The following DNAJC8 variants were observed in gnomAD, a reference collection of about 807,000 sequenced individuals.
DNAJC8 encodes dnaJ homolog subfamily C member 8.
In DNAJC8, 24 loss-of-function variants were observed where a neutral mutation model predicts 43.2. The observed-to-expected ratio is 0.56, with a 90% CI of 0.40 to 0.78. The LOEUF (loss-of-function observed/expected upper bound fraction) is 0.78. DNAJC8 is among the 30% of genes least tolerant of loss of function. DNAJC8 has a pLI of 0.00. For synonymous variants in DNAJC8, 83 were observed against 98.0 expected (o/e 0.85, Z 0.90); for missense variants, 207 against 299.4 (o/e 0.69, Z 2.28).
chr1:28,213,629 A>G (rs908209079), intron 3 of DNAJC8, among the ~76,000 whole-genome samples: 2 of 152,204 alleles, frequency 1.3e-5, no homozygotes, highest in African/African-American at 4.8e-5. Context: ...ACATAAGACT[A>G]TAAAGAAGCT....
chr1:28,214,776 A>G (rs1179787124), intron 3 of DNAJC8, among the ~76,000 whole-genome samples, 164 bp downstream of exon 3: 1 of 152,116 alleles, frequency 6.6e-6, no homozygotes, highest in Non-Finnish European at 1.5e-5. Context: ...AAATTATTTA[A>G]GATTTTATAT....
At chr1:28,203,028 G>T (rs1646747500) in intron 8 of DNAJC8, among the ~76,000 whole-genome samples, 1 of 152,144 alleles carries the variant, frequency 6.6e-6, no homozygotes, top group African/African-American at 2.4e-5. Context: ...TCTTTCCACT[G>T]CACCTTTCTG....
chr1:28,220,190 AG>A (rs1300098659), intron 2 of DNAJC8, among the ~76,000 whole-genome samples: 1 of 152,244 alleles, frequency 6.6e-6, no homozygotes, highest in Non-Finnish European at 1.5e-5. Flanking sequence ...TATTTTTCCA[AG>A]AGTTATATCA....
At chr1:28,221,136 G>A (rs1172364939) in intron 2 of DNAJC8, among the ~76,000 whole-genome samples, 3 of 151,784 alleles carry the variant, frequency 2.0e-5, no homozygotes, top group Non-Finnish European at 2.9e-5. Context: ...TCAGGAGATC[G>A]AGACCATCCT....
chr1:28,219,746 C>T (rs1646886098), intron 2 of DNAJC8, among the ~76,000 whole-genome samples: 1 of 106,310 alleles, frequency 9.4e-6, no homozygotes, highest in African/African-American at 4.0e-5. Flanking sequence ...GGAGCAATCT[C>T]AGCTCACTTC....
At chr1:28,209,305 GAA>G (rs1164859253) in intron 5 of DNAJC8, among the ~76,000 whole-genome samples, 3 of 152,252 alleles carry the variant, frequency 2.0e-5, no homozygotes, top group South Asian at 2.1e-4. Flanking sequence ...CTCTTCATGT[GAA>G]AAGTCATCCA....
chr1:28,201,210 T>G lies in DNAJC8; in HGVS notation c.*38A>C. 6.2e-7 allele frequency: 1 copy of G among 1,610,688 alleles called. No homozygotes were observed. The highest frequency in any genetic ancestry group is 8.5e-7 in the Non-Finnish European group (1 of 1,179,440). ...GAGTCCTTCGAAGCAGGAAGGGAGA[T>G]AGCAGGGGAAAGGTTCTGTGCCTGT... On this transcript the variant is annotated 3_prime_UTR_variant, in exon 9 of 9. Transcript: ENST00000263697.
At chr1:28,224,033 C>T (rs1448118023) in intron 2 of DNAJC8, among the ~76,000 whole-genome samples, 1 of 152,124 alleles carries the variant, frequency 6.6e-6, no homozygotes, top group Non-Finnish European at 1.5e-5. Flanking sequence ...ATGATGAAGA[C>T]ATATGAAAGA....
chr1:28,205,345 T>C lies in DNAJC8; in HGVS notation c.476A>G (p.Lys159Arg), dbSNP rs1470593528. Residue 159 changes from lysine (K) to arginine (R), a missense_variant, in exon 7 of 9, where the codon AAA (lysine) becomes AGA (arginine). Coordinates refer to ENST00000263697, the MANE Select transcript of DNAJC8 (RefSeq NM_014280.3). ...IVEEDDPELF[K>R]QAVYKQTMKL... is the part of the protein sequence containing the mutation. ...CATTGTCTGTTTATATACAGCTTGTTTGAACTACAGGAAAATCAAGAACAA... is the reference window on the plus strand; with the variant it reads ...CATTGTCTGTTTATATACAGCTTGTCTGAACTACAGGAAAATCAAGAACAA... 2 of 1,605,630 alleles carry C rather than the reference T, an allele frequency of 1.2e-6. No individual in the cohort carries two copies. The highest frequency in any genetic ancestry group is 2.2e-5 in the East Asian group (1 of 44,836).
At chr1:28,232,720 T>C (rs563394856) in intron 1 of DNAJC8, among the ~76,000 whole-genome samples, 1 of 152,084 alleles carries the variant, frequency 6.6e-6, no homozygotes, top group East Asian at 1.9e-4. Context: ...TCGAACACCA[T>C]TCCCTCTTTC....
At chr1:28,224,663 T>C (rs188326268) in intron 2 of DNAJC8, among the ~76,000 whole-genome samples, 3 of 151,876 alleles carry the variant, frequency 2.0e-5, no homozygotes, top group African/African-American at 4.8e-5. Flanking sequence ...GGAGGGCGGA[T>C]CATGAGGTCA....
Position 28,201,120 on chromosome 1 carries a change from T to C in DNAJC8, c.*128A>G. The C allele has an allele frequency of 7.3e-7, 1 of 1,368,636 alleles. No homozygotes were observed. The highest frequency in any genetic ancestry group is 2.1e-5 in the Admixed American group (1 of 46,594). The allele number at this position is 1,368,636 out of a possible 1,614,324, so 84.8% of individuals were successfully genotyped here. On this transcript the variant is annotated 3_prime_UTR_variant, in exon 9 of 9. Coordinates refer to ENST00000263697, the MANE Select transcript of DNAJC8 (RefSeq NM_014280.3). ...TACTCTGATCGATATTAAATCGTATTGAAAACAAAATGGACTAAAAAGCAA... is the reference window on the plus strand; with the variant it reads ...TACTCTGATCGATATTAAATCGTATCGAAAACAAAATGGACTAAAAAGCAA...
chr1:28,207,552 T>C (rs1646778202), intron 6 of DNAJC8, among the ~76,000 whole-genome samples: 1 of 150,772 alleles, frequency 6.6e-6, no homozygotes, highest in Non-Finnish European at 1.5e-5. Flanking sequence ...CAAGCAATTC[T>C]CCTGCCTCAG....
Position 28,205,249 on chromosome 1 carries a change from GAT to G in DNAJC8, c.563+7_563+8del. On this transcript the variant is annotated splice_region_variant and intron_variant, in intron 7 of 8. Transcript: ENST00000263697. The stretch of plus-strand genomic sequence containing the variant: ...TAAATATGGTTTAAATGAATATACT[GAT>G]ATGTACCTTTCATGCATCTCTTTGG... 1 of 1,597,980 alleles carries G rather than the reference GAT, an allele frequency of 6.3e-7. No homozygotes were observed. Among genetic ancestry groups the G allele is most frequent in the Non-Finnish European group, 8.6e-7 (1 of 1,167,956 alleles).
intron 3 of DNAJC8, among the ~76,000 whole-genome samples, chr1:28,214,515 C>A (rs763249804): frequency 6.6e-6 from 1 of 151,894 alleles, no homozygotes; most frequent in Non-Finnish European, 1.5e-5. Flanking sequence ...GCGTGGGCGA[C>A]AAAGCAAGAC....
At chr1:28,204,981 C>T (rs986519394) in intron 7 of DNAJC8, among the ~76,000 whole-genome samples, 1 of 152,170 alleles carries the variant, frequency 6.6e-6, no homozygotes, top group Non-Finnish European at 1.5e-5. Flanking sequence ...CAAGATCGCA[C>T]CACTGCATTC....
chr1:28,227,391 G>A (rs1646943858), intron 2 of DNAJC8, among the ~76,000 whole-genome samples: 1 of 140,230 alleles, frequency 7.1e-6, no homozygotes. Context: ...TTAGGTGACA[G>A]AGTGAGACTT....
intron 6 of DNAJC8, 124 bp from the exon 7 acceptor site, chr1:28,205,473 G>T: frequency 1.5e-6 from 1 of 647,934 alleles, no homozygotes; most frequent in Non-Finnish European, 2.6e-6. Context: ...TGTGCACCGT[G>T]GCTCACATCT....
At chr1:28,212,204 T>A (rs1193541241) in intron 3 of DNAJC8, among the ~76,000 whole-genome samples, 3 of 105,270 alleles carry the variant, frequency 2.8e-5, no homozygotes, top group Admixed American at 1.0e-4. Flanking sequence ...TATATATATA[T>A]ATATATATAT....
Sources: allele counts gnomAD v4.1 joint callset (sites outside exome capture counted in the v4.1 genomes callset), GRCh38; gene constraint gnomAD v4.1.1; transcripts MANE v1.5; gene names NCBI Gene and HGNC (gene_info 2026-07-23, HGNC 2026-07-21).